The following ST14 variants were observed in gnomAD, a reference collection of about 807,000 sequenced individuals.
ST14 encodes the protein ST14 transmembrane serine protease matriptase.
ST14 carries 40 observed loss-of-function variants against 96.5 expected under a neutral mutation model. The observed-to-expected ratio is 0.41, with a 90% CI of 0.32 to 0.54. ST14 has a LOEUF of 0.54. ST14 is among the 20% of genes least tolerant of loss of function. The pLI is 0.17. For missense variants in ST14, 1,066 were observed against 1,188.9 expected (o/e 0.90, Z 1.52); for synonymous variants, 506 against 492.1 (o/e 1.03, Z -0.37).
chr11:130,189,012 G>A (rs1371008795), intron 4 of ST14, 73 bp downstream of exon 4: 2 of 1,499,266 alleles, frequency 1.3e-6, no homozygotes, highest in Non-Finnish European at 1.8e-6. Flanking sequence ...ACAGTGTGTG[G>A]GGCAGGAAGC....
chr11:130,197,720 C>A, intron 11 of ST14, 121 bp from the exon 12 acceptor site: 2 of 825,242 alleles, frequency 2.4e-6, no homozygotes, highest in South Asian at 1.7e-5. Context: ...TGCCCTGGGC[C>A]ACAGCACCTG....
chr11:130,199,175 T>G, intron 15 of ST14, 106 bp downstream of exon 15: 1 of 1,259,794 alleles, frequency 7.9e-7, no homozygotes, highest in Non-Finnish European at 1.1e-6. Context: ...ACTTAGCAGC[T>G]CTGTGCTTGG....
At chr11:130,162,906 G>A (rs1022432517) in intron 1 of ST14, among the ~76,000 whole-genome samples, 8 of 152,170 alleles carry the variant, frequency 5.3e-5, no homozygotes, top group East Asian at 3.8e-4. Context: ...ACCCGGGGCC[G>A]CCTTGTCTAG....
intron 9 of ST14, 139 bp downstream of exon 9, chr11:130,194,876 G>GCA (rs1953344616): frequency 3.7e-6 from 3 of 813,910 alleles, no homozygotes; most frequent in African/African-American, 1.7e-5. Context: ...GTGTGTGTGT[G>GCA]CGTATGTGTG....
intron 1 of ST14, among the ~76,000 whole-genome samples, chr11:130,170,062 G>A (rs1177690290): frequency 2.0e-5 from 3 of 152,106 alleles, no homozygotes; most frequent in Non-Finnish European, 2.9e-5. Flanking sequence ...GGAATTTTCC[G>A]GCTAGAATTG....
chr11:130,188,434 G>A lies in ST14; in HGVS notation c.242-96G>A. ...TGGGAAGCAGTCAGGGCTGACCCAT[G>A]GCCCCCTCCTGGCATTCATTCCCCA... On this transcript the variant is annotated intron_variant, in intron 2 of 18. Transcript: ENST00000278742. The surrounding 1 kb of genome is among the most constrained non-coding windows in gnomAD (Gnocchi z 5.4). 3 of 1,603,698 alleles carry A rather than the reference G, an allele frequency of 1.9e-6. No individual in the cohort carries two copies. The highest frequency in any genetic ancestry group is 2.2e-5 in the South Asian group (2 of 90,422).
Position 130,159,956 on chromosome 11 carries a change from G to C in ST14, c.-24G>C. ...CCGCCGGCAGGGACGACGCCTGTGA[G>C]ACCCGCGAGCGGCCTCGGGGACCAT... On this transcript the variant is annotated 5_prime_UTR_variant, in exon 1 of 19. Transcript: ENST00000278742. The C allele has an allele frequency of 7.7e-7, 1 of 1,306,480 alleles. No individual in the cohort carries two copies. Among genetic ancestry groups the C allele is most frequent in the Non-Finnish European group, 9.8e-7 (1 of 1,015,326 alleles). The allele number at this position is 1,306,480 out of a possible 1,614,324, so 80.9% of individuals were successfully genotyped here. A position where few individuals can be genotyped will look rare whatever the true frequency, so the allele number is the denominator to read the frequency against.
intron 11 of ST14, among the ~76,000 whole-genome samples, chr11:130,197,037 G>A (rs1375618911): frequency 5.3e-5 from 8 of 152,162 alleles, no homozygotes; most frequent in Admixed American, 2.6e-4. Context: ...TTGCCTCTGT[G>A]GCCTGTTAGC....
chr11:130,196,630 C>T lies in ST14; in HGVS notation c.1284C>T (p.Arg428=). Residue 428 remains arginine, a synonymous_variant, in exon 11 of 19, where the codon CGC becomes CGT. Transcript: ENST00000278742. ...GCAACAGCAACAAGATCACAGTTCG[C>T]TTCCACTCAGATCAGTCCTACACCG... is the stretch of plus-strand genomic sequence containing the variant. ...VTSNSNKITV[R]FHSDQSYTDT... 2 of 1,614,124 alleles carry T rather than the reference C, an allele frequency of 1.2e-6. No individual in the cohort carries two copies. Among genetic ancestry groups the T allele is most frequent in the Non-Finnish European group, 1.7e-6 (2 of 1,180,032 alleles).
In ST14 at chr11:130,196,336, C is replaced by T. The variant is rs1953362926; in HGVS notation, c.1114-3C>T. On this transcript the variant is annotated splice_region_variant and splice_polypyrimidine_tract_variant and intron_variant, in intron 9 of 18. Coordinates refer to ENST00000278742, the MANE Select transcript of ST14 (RefSeq NM_021978.4). ...ACATTCCCAGCAGCCTCTCTTCCCT[C>T]AGGTGCCCAACAACCAGCATGTGAA... The T allele has an allele frequency of 1.9e-6, 3 of 1,582,330 alleles. No individual in the cohort carries two copies. The highest frequency in any genetic ancestry group is 2.6e-6 in the Non-Finnish European group (3 of 1,164,062).
intron 1 of ST14, among the ~76,000 whole-genome samples, chr11:130,177,415 T>C (rs1953150074): frequency 6.6e-6 from 1 of 151,502 alleles, no homozygotes; most frequent in African/African-American, 2.4e-5. Context: ...ATACAAAAAT[T>C]AGCCAGGTGC....
intron 9 of ST14, 65 bp from the exon 10 acceptor site, chr11:130,196,274 G>A: frequency 7.5e-7 from 1 of 1,324,512 alleles, no homozygotes; most frequent in Non-Finnish European, 1.1e-6. Flanking sequence ...GCCTCCCTTT[G>A]ACGTCCTCAG....
chr11:130,160,055 C>A lies in ST14; in HGVS notation c.76C>A (p.His26Asn), dbSNP rs868109235. 7.0e-7 allele frequency: 1 copy of A among 1,433,626 alleles called. No individual in the cohort carries two copies. 88.8% of individuals were successfully genotyped at this position (1,433,626 alleles called of 1,614,324 possible). A position where few individuals can be genotyped will look rare whatever the true frequency, so the allele number is the denominator to read the frequency against. Residue 26 changes from histidine to asparagine, a missense_variant, in exon 1 of 19, where the codon CAC becomes AAC. By Grantham distance (68) the His-to-Asn change is moderately conservative. Transcript: ENST00000278742. The stretch of plus-strand genomic sequence containing the variant: ...CGCGGGACTCAAGTACAACTCCCGG[C>A]ACGAGGTGAGCGCGGGCCGGGGACC... ...FGAGLKYNSR[H>N]EKVNGLEEGV...
rs1262235702 is a variant in ST14 at position 130,210,052 on chromosome 11, C to T, written c.*229C>T. ...GAGGACACTGGTGGTTCTACTGACCCAACTGGGGGCAAAGGTTTGAAGACA... is the reference window on the plus strand; with the variant it reads ...GAGGACACTGGTGGTTCTACTGACCTAACTGGGGGCAAAGGTTTGAAGACA... On this transcript the variant is annotated 3_prime_UTR_variant, in exon 19 of 19. Transcript: ENST00000278742. 4 of 582,822 alleles carry T rather than the reference C, an allele frequency of 6.9e-6. No homozygotes were observed. The African/African-American group carries it at 7.5e-5, about 11-fold the overall frequency. The allele number at this position is 582,822 out of a possible 1,614,324, so 36.1% of individuals were successfully genotyped here.
chr11:130,198,983 G>A lies in ST14; in HGVS notation c.1721G>A (p.Cys574Tyr). Residue 574 changes from cysteine to tyrosine, a missense_variant, in exon 15 of 19, where the codon TGC (cysteine) becomes TAC (tyrosine). By Grantham distance (194) the Cys-to-Tyr change is radical. Coordinates refer to ENST00000278742, the MANE Select transcript of ST14 (RefSeq NM_021978.4). ...VVTCTKHTYR[C>Y]LNGLCLSKGN... ...ACTTGTACCAAACACACCTACCGCTGCCTCAATGGGCTCTGCTTGAGCAAG... is the reference window on the plus strand; with the variant it reads ...ACTTGTACCAAACACACCTACCGCTACCTCAATGGGCTCTGCTTGAGCAAG... 5 of 1,614,118 alleles carry A rather than the reference G, an allele frequency of 3.1e-6. No homozygotes were observed. Among genetic ancestry groups the A allele is most frequent in the Non-Finnish European group, 4.2e-6 (5 of 1,180,004 alleles).
chr11:130,171,798 T>C (rs2136203955), intron 1 of ST14, among the ~76,000 whole-genome samples: 1 of 152,332 alleles, frequency 6.6e-6, no homozygotes, highest in East Asian at 1.9e-4. Context: ...TTGCAAGCCA[T>C]ACATAATCAT....
At chr11:130,169,613 C>T (rs145816084) in intron 1 of ST14, among the ~76,000 whole-genome samples, 14 of 152,178 alleles carry the variant, frequency 9.2e-5, no homozygotes, top group East Asian at 3.9e-4. Flanking sequence ...ACGTGAGTAG[C>T]GGTGAAACGG....
At chr11:130,182,546 C>T (rs997611396) in intron 1 of ST14, among the ~76,000 whole-genome samples, 3 of 152,154 alleles carry the variant, frequency 2.0e-5, no homozygotes, top group East Asian at 1.9e-4. Flanking sequence ...TGGGTTTAGC[C>T]GTGTTGGCCA....
At chr11:130,209,412 G>T (rs750043927) in intron 17 of ST14, 30 bp from the exon 18 acceptor site, 1 of 1,565,758 alleles carries the variant, frequency 6.4e-7, no homozygotes, top group East Asian at 2.4e-5. Flanking sequence ...AAGCAGCCCG[G>T]CTCTCAGCCC....
Sources: allele counts gnomAD v4.1 joint callset (sites outside exome capture counted in the v4.1 genomes callset), GRCh38; gene constraint gnomAD v4.1.1; non-coding constraint Gnocchi (gnomAD v3.1); transcripts MANE v1.5; gene names NCBI Gene and HGNC (gene_info 2026-07-23, HGNC 2026-07-21).